Variants in RIC8B observed in about 807,000 individuals in gnomAD.
RIC8B encodes the protein RIC8 guanine nucleotide exchange factor B.
A neutral mutation model predicts 57.5 loss-of-function variants in RIC8B; 16 were observed. The observed-to-expected ratio is 0.28, with a 90% CI of 0.19 to 0.42. The LOEUF (loss-of-function observed/expected upper bound fraction) is 0.42. RIC8B is among the 10% of genes least tolerant of loss of function. The probability of loss-of-function intolerance (pLI) is 1.00; values close to 1 mark genes in which losing one functional copy is unlikely to be tolerated. For missense variants in RIC8B, 481 were observed against 677.0 expected, an observed-to-expected ratio of 0.71 and a Z score of 3.21; for synonymous variants, 216 against 250.8, an observed-to-expected ratio of 0.86 and a Z score of 1.31.
At chr12:106,850,127 G>T (rs1031008502) in intron 6 of RIC8B, among the ~76,000 whole-genome samples, 2 of 152,210 alleles carry the variant, frequency 1.3e-5, no homozygotes, top group East Asian at 1.9e-4. Context: ...GATCTAGGTT[G>T]TGTGCTCCTT....
chr12:106,823,754 G>A (rs1026538550), intron 3 of RIC8B, among the ~76,000 whole-genome samples: 2 of 150,448 alleles, frequency 1.3e-5, no homozygotes, highest in Non-Finnish European at 2.9e-5. Context: ...GCATGATCTC[G>A]GCTCACTGCA....
At chr12:106,789,027 A>G (rs1352592801) in intron 2 of RIC8B, among the ~76,000 whole-genome samples, 2 of 152,204 alleles carry the variant, frequency 1.3e-5, no homozygotes, top group African/African-American at 4.8e-5. Flanking sequence ...ACAGCACCCA[A>G]GTCACCTCTT....
intron 8 of RIC8B, among the ~76,000 whole-genome samples, chr12:106,869,897 C>T (rs901062711): frequency 1.3e-5 from 2 of 152,132 alleles, no homozygotes; most frequent in African/African-American, 4.8e-5. Flanking sequence ...CGAGATTGTG[C>T]GACTGCACTC....
intron 4 of RIC8B, among the ~76,000 whole-genome samples, chr12:106,828,586 G>A (rs932050202): frequency 1.2e-4 from 19 of 152,152 alleles, no homozygotes; most frequent in East Asian, 3.9e-4. Context: ...ATGGTTGTGC[G>A]TTATCATCAA....
intron 1 of RIC8B, among the ~76,000 whole-genome samples, chr12:106,778,952 G>T (rs1593057022): frequency 6.6e-6 from 1 of 152,090 alleles, no homozygotes; most frequent in African/African-American, 2.4e-5. Flanking sequence ...TGCTCTTGTT[G>T]CCCCAGGCTG....
chr12:106,798,041 A>G (rs2136218792), intron 2 of RIC8B: 3 of 716,468 alleles, frequency 4.2e-6, no homozygotes. Context: ...TATAGCGTTG[A>G]CAGAAAACAG....
intron 1 of RIC8B, chr12:106,775,294 G>GTC (rs1566018987): frequency 2.2e-6 from 1 of 455,734 alleles, no homozygotes; most frequent in South Asian, 1.6e-5. Flanking sequence ...AGGCATTGAT[G>GTC]TCTCATCTAT....
chr12:106,837,267 C>T (rs969913492), intron 4 of RIC8B, among the ~76,000 whole-genome samples: 1 of 152,020 alleles, frequency 6.6e-6, no homozygotes, highest in Non-Finnish European at 1.5e-5. Flanking sequence ...GAGGCTGAGG[C>T]AGGAGAATCG....
chr12:106,846,317 A>G (rs1464764839), intron 6 of RIC8B, among the ~76,000 whole-genome samples: 7 of 152,202 alleles, frequency 4.6e-5, no homozygotes, highest in Admixed American at 4.6e-4. Context: ...CATTCACCCA[A>G]TTGTTCATTT....
intron 4 of RIC8B, among the ~76,000 whole-genome samples, chr12:106,830,505 T>C (rs1271796114): frequency 6.6e-6 from 1 of 152,164 alleles, no homozygotes; most frequent in Non-Finnish European, 1.5e-5. Flanking sequence ...TAGACATGAA[T>C]AAGCTTATAT....
intron 9 of RIC8B, among the ~76,000 whole-genome samples, chr12:106,885,080 A>G: frequency 6.6e-6 from 1 of 152,236 alleles, no homozygotes; most frequent in Non-Finnish European, 1.5e-5. Flanking sequence ...TACATTCACC[A>G]TAATCTCCAT....
chr12:106,881,367 G>A (rs1484716620), intron 9 of RIC8B, among the ~76,000 whole-genome samples: 11 of 147,054 alleles, frequency 7.5e-5, no homozygotes, highest in Non-Finnish European at 1.2e-4. Context: ...TATCTCAGCC[G>A]AGCCAGCCTG....
At chr12:106,822,856 GTC>G (rs1185335507) in intron 3 of RIC8B, 1 of 152,584 alleles carries the variant, frequency 6.6e-6, no homozygotes, top group Non-Finnish European at 1.5e-5. Flanking sequence ...CAACACAAGA[GTC>G]TGTATTTTAT....
chr12:106,812,445 G>GT (rs71072694), intron 2 of RIC8B, among the ~76,000 whole-genome samples: 2,655 of 136,878 alleles, frequency 0.019, 53 homozygotes, highest in African/African-American at 0.052. Flanking sequence ...CCTATAGTTT[G>GT]TTTTTTTTTT....
Position 106,859,595 on chromosome 12 carries a change from A to G in RIC8B, c.1307-673A>G, listed in dbSNP as rs182135515. On this transcript the variant is annotated intron_variant, in intron 7 of 9. Transcript: ENST00000392837. The stretch of plus-strand genomic sequence containing the variant: ...TAGATAGTTACTATTCTGTTTCTAC[A>G]GATTAGAAAACTAGGATAAAGCTGC... Among the ~76,000 whole-genome samples the G allele has an allele frequency of 5.0e-3, 766 of 152,272 alleles. 5 individuals are homozygous for G. The highest frequency in any genetic ancestry group is 0.017 in the African/African-American group (716 of 41,552).
At chr12:106,816,568 C>G (rs1251614455) in intron 3 of RIC8B, among the ~76,000 whole-genome samples, 1 of 152,086 alleles carries the variant, frequency 6.6e-6, no homozygotes, top group Non-Finnish European at 1.5e-5. Flanking sequence ...ATTTTTCTTA[C>G]GCTGTTTGTT....
intron 9 of RIC8B, among the ~76,000 whole-genome samples, chr12:106,874,266 G>C (rs1368934966): frequency 1.3e-4 from 20 of 152,146 alleles, no homozygotes; most frequent in Non-Finnish European, 1.5e-5. Context: ...TGTACTATTG[G>C]TTAGTTCCCT....
At chr12:106,786,141 ATTTT>A (rs893618675) in intron 2 of RIC8B, among the ~76,000 whole-genome samples, 6 of 73,886 alleles carry the variant, frequency 8.1e-5, no homozygotes, top group African/African-American at 3.4e-4. Flanking sequence ...CCCAAGGTGT[ATTTT>A]TTTTTTTTTT....
At chr12:106,856,702 T>G (rs184577196) in intron 7 of RIC8B, among the ~76,000 whole-genome samples, 1 of 152,352 alleles carries the variant, frequency 6.6e-6, no homozygotes, top group East Asian at 1.9e-4. Flanking sequence ...TTCTAGACAC[T>G]GAGTTTCCTT....
Sources: allele counts gnomAD v4.1 joint callset (sites outside exome capture counted in the v4.1 genomes callset), GRCh38; gene constraint gnomAD v4.1.1; transcripts MANE v1.5; gene names NCBI Gene and HGNC (gene_info 2026-07-23, HGNC 2026-07-21).